CERS6: variants seen among roughly 807,000 people sequenced by gnomAD.
The protein encoded by CERS6 is ceramide synthase 6, also known as LAG1 homolog, ceramide synthase 6.
CERS6 carries 26 observed loss-of-function variants against 56.8 expected under a neutral mutation model. The ratio of observed to expected loss-of-function variants is 0.46; its 90% CI spans 0.34 to 0.63. CERS6 has a LOEUF of 0.63. CERS6 is among the 30% of genes least tolerant of loss of function. CERS6 has a pLI of 0.01. For synonymous variants in CERS6, 164 were observed against 173.3 expected, an observed-to-expected ratio of 0.95 and a Z score of 0.42; for missense variants, 415 against 467.5, an observed-to-expected ratio of 0.89 and a Z score of 1.04.
intron 6 of CERS6, among the ~76,000 whole-genome samples, chr2:168,703,981 A>G (rs1208295571): frequency 6.6e-6 from 1 of 152,226 alleles, no homozygotes; most frequent in Non-Finnish European, 1.5e-5. Flanking sequence ...AGCCAGTACC[A>G]TGTGCAGACT....
intron 8 of CERS6, among the ~76,000 whole-genome samples, chr2:168,739,052 A>ATTTTTTTTTT (rs59967315): frequency 3.7e-4 from 32 of 87,642 alleles, no homozygotes; most frequent in African/African-American, 9.4e-4. Flanking sequence ...CACCCGGCTA[A>ATTTTTTTTTT]TTTTTTTTTT....
chr2:168,535,682 T>TTC (rs2105365302), intron 1 of CERS6, among the ~76,000 whole-genome samples: 1 of 150,740 alleles, frequency 6.6e-6, no homozygotes, highest in East Asian at 1.9e-4. Context: ...TTTTTTTTTT[T>TTC]TTTTTTGAAT....
At chr2:168,631,476 TATATA>T (rs1194167544) in intron 4 of CERS6, among the ~76,000 whole-genome samples, 4 of 113,056 alleles carry the variant, frequency 3.5e-5, no homozygotes, top group African/African-American at 1.4e-4. Context: ...TAATATATAA[TATATA>T]ATATATAAAC....
chr2:168,614,404 G>A (rs547230013), intron 3 of CERS6, among the ~76,000 whole-genome samples: 3 of 152,354 alleles, frequency 2.0e-5, no homozygotes, highest in Admixed American at 6.5e-5. Context: ...TCTGCATTGT[G>A]TGACTGGTAT....
intron 1 of CERS6, among the ~76,000 whole-genome samples, chr2:168,534,566 A>G (rs1388264334): frequency 6.6e-6 from 1 of 152,014 alleles, no homozygotes; most frequent in African/African-American, 2.4e-5. Flanking sequence ...ATGTCACTCA[A>G]GGAGGCTGGA....
chr2:168,597,158 C>A (rs1387930290), intron 3 of CERS6, among the ~76,000 whole-genome samples: 1 of 152,076 alleles, frequency 6.6e-6, no homozygotes, highest in East Asian at 1.9e-4. Context: ...GAAGAAGAGA[C>A]CTGGAGCCAG....
intron 1 of CERS6, among the ~76,000 whole-genome samples, chr2:168,480,578 G>C (rs146029035): frequency 5.4e-4 from 82 of 152,204 alleles, no homozygotes; most frequent in Non-Finnish European, 1.0e-3. Flanking sequence ...CCAAGTTCCG[G>C]GTTCTTTATT....
intron 4 of CERS6, among the ~76,000 whole-genome samples, chr2:168,676,771 A>T (rs1025073550): frequency 3.3e-5 from 5 of 152,218 alleles, no homozygotes; most frequent in Non-Finnish European, 7.3e-5. Context: ...GAAGTGCTGC[A>T]TGTGTACTTC....
At chr2:168,591,071 A>G (rs1008394619) in intron 3 of CERS6, among the ~76,000 whole-genome samples, 3 of 152,220 alleles carry the variant, frequency 2.0e-5, no homozygotes, top group Admixed American at 6.5e-5. Flanking sequence ...CTATTATAAT[A>G]TTATCTAGGA....
chr2:168,502,695 A>G (rs981375378), intron 1 of CERS6, among the ~76,000 whole-genome samples: 2 of 152,218 alleles, frequency 1.3e-5, no homozygotes, highest in Non-Finnish European at 2.9e-5. Flanking sequence ...TCTGCTGTCT[A>G]TATAAATATT....
At chr2:168,599,807 A>G (rs182215294) in intron 3 of CERS6, among the ~76,000 whole-genome samples, 2 of 152,348 alleles carry the variant, frequency 1.3e-5, no homozygotes, top group Admixed American at 1.3e-4. Context: ...TGTCACAAAT[A>G]TTTATGGAAT....
Position 168,731,613 on chromosome 2 carries a change from CA to C in CERS6, c.845+13638del, listed in dbSNP as rs1303151997. On this transcript the variant is annotated intron_variant, in intron 8 of 9. Transcript: ENST00000305747. ...TCATTTGACCATGGGAAGGGAGGGA[CA>C]AAGGAGAAGTAGCAGGGGGTGGGGA... Among the ~76,000 whole-genome samples, 5 of 152,082 alleles carry C rather than the reference CA, an allele frequency of 3.3e-5. No individual in the cohort carries two copies. In the East Asian group the frequency reaches 9.7e-4, roughly 29 times the overall value.
At chr2:168,708,731 C>T (rs1421747551) in intron 6 of CERS6, among the ~76,000 whole-genome samples, 1 of 152,100 alleles carries the variant, frequency 6.6e-6, no homozygotes, top group Non-Finnish European at 1.5e-5. Context: ...TCATATTCCT[C>T]ATGTCTGTGC....
At chr2:168,495,904 C>T (rs775264656) in intron 1 of CERS6, among the ~76,000 whole-genome samples, 1 of 152,182 alleles carries the variant, frequency 6.6e-6, no homozygotes, top group Non-Finnish European at 1.5e-5. Context: ...AAGGTATTCC[C>T]CAAAACTTAA....
At chr2:168,670,683 T>C (rs996385326) in intron 4 of CERS6, among the ~76,000 whole-genome samples, 3 of 152,220 alleles carry the variant, frequency 2.0e-5, no homozygotes, top group African/African-American at 7.2e-5. Flanking sequence ...CAAAGGTCAC[T>C]ACTTCAGTGA....
At chr2:168,506,159 G>T (rs1364474712) in intron 1 of CERS6, among the ~76,000 whole-genome samples, 1 of 152,116 alleles carries the variant, frequency 6.6e-6, no homozygotes, top group Non-Finnish European at 1.5e-5. Context: ...GAGTTCTAAG[G>T]GTCTCTTTGA....
At chr2:168,544,537 T>G (rs1160697295) in intron 1 of CERS6, among the ~76,000 whole-genome samples, 5 of 152,060 alleles carry the variant, frequency 3.3e-5, no homozygotes, top group Non-Finnish European at 7.4e-5. Context: ...AACTCTTCTG[T>G]GGGAAGTGTG....
At chr2:168,744,882 T>C (rs1684053449) in intron 8 of CERS6, among the ~76,000 whole-genome samples, 1 of 152,182 alleles carries the variant, frequency 6.6e-6, no homozygotes, top group Non-Finnish European at 1.5e-5. Context: ...CCCAAACTTG[T>C]TTACACATTG....
intron 8 of CERS6, among the ~76,000 whole-genome samples, chr2:168,719,865 G>A (rs12999508): frequency 0.94 from 143,811 of 152,218 alleles, 68,053 homozygotes; most frequent in Non-Finnish European, 0.98. Flanking sequence ...CCATACTAAA[G>A]GTTCTTTTTT....
Sources: gnomAD v4.1 joint callset for allele counts (sites outside exome capture counted in the v4.1 genomes callset) on GRCh38, gnomAD v4.1.1 for gene constraint, MANE v1.5 for transcripts, NCBI Gene and HGNC (gene_info 2026-07-23, HGNC 2026-07-21) for gene names.